NEGR1: variants seen among roughly 807,000 people sequenced by gnomAD.
NEGR1 encodes the protein IgLON family member 4.
Under a neutral mutation model 40.9 loss-of-function variants are expected in NEGR1, and 10 were observed. The observed-to-expected ratio is 0.24, with a 90% CI of 0.15 to 0.42. The LOEUF (loss-of-function observed/expected upper bound fraction) is 0.42. Ranked by LOEUF, NEGR1 falls within the 10% of genes least tolerant of loss-of-function variation. The pLI is 1.00. For missense variants in NEGR1, 352 were observed against 438.9 expected (o/e 0.80, Z 1.77); for synonymous variants, 185 against 166.8 (o/e 1.11, Z -0.84).
intron 1 of NEGR1, among the ~76,000 whole-genome samples, chr1:72,269,403 T>C (rs987097729): frequency 1.3e-5 from 2 of 151,650 alleles, no homozygotes; most frequent in African/African-American, 2.4e-5. Flanking sequence ...CTTGGAATAC[T>C]ATAACAAGGA....
intron 1 of NEGR1, among the ~76,000 whole-genome samples, chr1:72,180,311 A>G (rs1254790981): frequency 6.6e-6 from 1 of 152,062 alleles, no homozygotes; most frequent in African/African-American, 2.4e-5. Context: ...ACAAATATCA[A>G]TTCAAAACGG....
intron 1 of NEGR1, among the ~76,000 whole-genome samples, chr1:72,114,458 G>A (rs940228306): frequency 1.3e-5 from 2 of 151,592 alleles, no homozygotes; most frequent in African/African-American, 4.8e-5. Context: ...TTGATAGATA[G>A]GATAGATGAT....
At chr1:71,954,791 T>C (rs1177873932) in intron 1 of NEGR1, among the ~76,000 whole-genome samples, 2 of 152,050 alleles carry the variant, frequency 1.3e-5, no homozygotes, top group Admixed American at 1.3e-4. Context: ...AGTACAATCA[T>C]ACAACCAATC....
chr1:71,685,148 C>A (rs1390163249), intron 4 of NEGR1, among the ~76,000 whole-genome samples: 2 of 151,848 alleles, frequency 1.3e-5, no homozygotes, highest in Non-Finnish European at 1.5e-5. Flanking sequence ...TTACTTTTCG[C>A]TTTTTGTGCG....
At chr1:71,449,247 A>G (rs185606642) in intron 6 of NEGR1, among the ~76,000 whole-genome samples, 17 of 152,368 alleles carry the variant, frequency 1.1e-4, no homozygotes, top group Non-Finnish European at 2.1e-4. Context: ...TTGTTTCACA[A>G]TATAAGCTAG....
At chr1:71,537,003 G>T (rs1054197757) in intron 6 of NEGR1, among the ~76,000 whole-genome samples, 1 of 151,626 alleles carries the variant, frequency 6.6e-6, no homozygotes, top group Non-Finnish European at 1.5e-5. Context: ...ACTATTCAGA[G>T]TTCATTGATT....
At chr1:72,216,386 T>TATATATATATATAC (rs775495595) in intron 1 of NEGR1, among the ~76,000 whole-genome samples, 11 of 36,162 alleles carry the variant, frequency 3.0e-4, no homozygotes, top group South Asian at 1.4e-3. Flanking sequence ...TATATATACA[T>TATATATATATATAC]ATATATATAT....
At chr1:72,240,368 G>A (rs780594625) in intron 1 of NEGR1, among the ~76,000 whole-genome samples, 2 of 151,770 alleles carry the variant, frequency 1.3e-5, no homozygotes, top group East Asian at 3.9e-4. Flanking sequence ...CATCTCAAAT[G>A]GTTCAGCTTT....
At chr1:72,229,441 A>C (rs1654289009) in intron 1 of NEGR1, among the ~76,000 whole-genome samples, 1 of 148,826 alleles carries the variant, frequency 6.7e-6, no homozygotes, top group South Asian at 2.1e-4. Flanking sequence ...TTTTTAAATA[A>C]TAATTATATA....
At chr1:71,814,077 G>T (rs1437603731) in intron 2 of NEGR1, among the ~76,000 whole-genome samples, 2 of 152,108 alleles carry the variant, frequency 1.3e-5, no homozygotes, top group Non-Finnish European at 2.9e-5. Flanking sequence ...GTCATAAATG[G>T]CTCTTAATAT....
At chr1:71,424,491 G>T (rs1569855510) in intron 6 of NEGR1, among the ~76,000 whole-genome samples, 2 of 152,266 alleles carry the variant, frequency 1.3e-5, no homozygotes, top group East Asian at 3.9e-4. Flanking sequence ...ACTCAGTCAA[G>T]CACTAATCTA....
In NEGR1 at chr1:72,003,452, C is replaced by G. The variant is rs555414365; in HGVS notation, c.177-68141G>C. On this transcript the variant is annotated intron_variant, in intron 1 of 6. Coordinates refer to ENST00000357731, the MANE Select transcript of NEGR1 (RefSeq NM_173808.3). ...AAAATATTGGTGGAAAAGGAAAACA[C>G]AAGACATAGGTGCAGGATGGCATAG... 2.0e-5 allele frequency among the ~76,000 whole-genome samples: 3 copies of G among 151,832 alleles called. No homozygotes were observed. The South Asian group carries it at 6.3e-4, about 32-fold the overall frequency.
chr1:71,848,674 A>C (rs1659500918), intron 2 of NEGR1, among the ~76,000 whole-genome samples: 1 of 152,212 alleles, frequency 6.6e-6, no homozygotes, highest in Non-Finnish European at 1.5e-5. Context: ...TGGTCACCTA[A>C]GTGCTTTGAT....
chr1:71,588,667 AG>A (rs1649392059), intron 6 of NEGR1, among the ~76,000 whole-genome samples: 1 of 152,190 alleles, frequency 6.6e-6, no homozygotes, highest in Admixed American at 6.6e-5. Flanking sequence ...TACTGCCTAA[AG>A]CCTACAGGCC....
intron 6 of NEGR1, among the ~76,000 whole-genome samples, chr1:71,575,884 AG>A (rs1463299699): frequency 6.6e-6 from 1 of 152,236 alleles, no homozygotes; most frequent in Non-Finnish European, 1.5e-5. Context: ...CTGTATTGGA[AG>A]GCTACTAGGT....
At position 72,193,307 on chromosome 1, in the gene NEGR1, GA is replaced by G. The variant is rs369834848; in HGVS notation, c.176+89011del. On this transcript the variant is annotated intron_variant, in intron 1 of 6. Transcript: ENST00000357731. ...GAATGATCAAGAAAGTTCTAGTCCA[GA>G]AAAAAATCTATTAATCAGTACTAAT... Among the ~76,000 whole-genome samples the G allele has an allele frequency of 8.6e-3, 1,304 of 151,638 alleles. 19 individuals carry two copies. The highest frequency in any genetic ancestry group is 0.03 in the African/African-American group (1,241 of 41,464).
intron 2 of NEGR1, among the ~76,000 whole-genome samples, chr1:71,883,654 C>T (rs1417420772): frequency 6.6e-6 from 1 of 151,910 alleles, no homozygotes; most frequent in Non-Finnish European, 1.5e-5. Context: ...TATACATGCG[C>T]CGTGTTGGTG....
intron 3 of NEGR1, among the ~76,000 whole-genome samples, chr1:71,740,415 T>C (rs755420255): frequency 6.6e-6 from 1 of 152,146 alleles, no homozygotes; most frequent in Non-Finnish European, 1.5e-5. Context: ...GAGGAATATA[T>C]GGTAGTAGTG....
chr1:72,040,395 T>G (rs1185045849), intron 1 of NEGR1, among the ~76,000 whole-genome samples: 2 of 151,624 alleles, frequency 1.3e-5, no homozygotes, highest in Non-Finnish European at 2.9e-5. Context: ...CTATGAGGAC[T>G]GCATTCACAG....
Sources: allele counts gnomAD v4.1 joint callset (sites outside exome capture counted in the v4.1 genomes callset), GRCh38; gene constraint gnomAD v4.1.1; transcripts MANE v1.5; gene names NCBI Gene and HGNC (gene_info 2026-07-23, HGNC 2026-07-21).